The following CMSS1 variants were observed in gnomAD, a reference collection of about 807,000 sequenced individuals.
The protein encoded by CMSS1 is cms1 ribosomal small subunit homolog.
In CMSS1, 33 loss-of-function variants were observed where a neutral mutation model predicts 43.5. The ratio of observed to expected loss-of-function variants is 0.76; its 90% CI spans 0.57 to 1.01. CMSS1 has a LOEUF of 1.01. CMSS1 is among the 50% of genes least tolerant of loss of function. The probability of loss-of-function intolerance (pLI) is 0.00; values close to 1 mark genes in which losing one functional copy is unlikely to be tolerated. For missense variants in CMSS1, 313 were observed against 326.4 expected (o/e 0.96, Z 0.32); for synonymous variants, 115 against 117.2 (o/e 0.98, Z 0.12).
At chr3:100,151,151 T>C (rs2066904524) in intron 2 of CMSS1, among the ~76,000 whole-genome samples, 1 of 152,214 alleles carries the variant, frequency 6.6e-6, no homozygotes, top group South Asian at 2.1e-4. Context: ...ATTATGCTTA[T>C]CTATTGTTGA....
intron 1 of CMSS1, among the ~76,000 whole-genome samples, chr3:100,028,757 C>T (rs2064971405): frequency 6.6e-6 from 1 of 152,016 alleles, no homozygotes; most frequent in African/African-American, 2.4e-5. Flanking sequence ...AGCACATTTC[C>T]AAGAGTCAGT....
intron 1 of CMSS1, among the ~76,000 whole-genome samples, chr3:99,887,709 C>A (rs1705953168): frequency 6.6e-6 from 1 of 152,040 alleles, no homozygotes. Flanking sequence ...ACTGGGAATA[C>A]CCAGATATAC....
At chr3:99,951,371 C>G (rs1036540130) in intron 1 of CMSS1, among the ~76,000 whole-genome samples, 2 of 152,074 alleles carry the variant, frequency 1.3e-5, no homozygotes, top group African/African-American at 4.8e-5. Flanking sequence ...CCTGTGGGTA[C>G]AGGACGTGGT....
intron 1 of CMSS1, among the ~76,000 whole-genome samples, chr3:99,932,870 A>G (rs1707530798): frequency 6.6e-6 from 1 of 152,144 alleles, no homozygotes; most frequent in African/African-American, 2.4e-5. Context: ...AGCCTGGGTG[A>G]CAGAGTAAGA....
chr3:99,999,603 T>C lies in CMSS1; in HGVS notation c.65-147370T>C, dbSNP rs527767898. 7.2e-5 allele frequency among the ~76,000 whole-genome samples: 11 copies of C among 152,348 alleles called. No individual in the cohort carries two copies. The South Asian group carries it at 2.3e-3, about 32-fold the overall frequency. On this transcript the variant is annotated intron_variant, in intron 1 of 9. Transcript: ENST00000421999. The stretch of plus-strand genomic sequence containing the variant: ...TGTGGTTCAGTGAGTCTTGAATCTG[T>C]TAGAGAGGATCTCGGGATATAGGCT...
chr3:99,941,263 G>T (rs917241824), intron 1 of CMSS1, among the ~76,000 whole-genome samples: 3 of 151,884 alleles, frequency 2.0e-5, no homozygotes, highest in Non-Finnish European at 4.4e-5. Context: ...GTGTTATAAA[G>T]CTCACAGCTT....
At chr3:100,120,538 C>T (rs1446418632) in intron 1 of CMSS1, among the ~76,000 whole-genome samples, 1 of 152,176 alleles carries the variant, frequency 6.6e-6, no homozygotes, top group East Asian at 1.9e-4. Context: ...ATTAATTGCA[C>T]ATCTTATAAA....
chr3:99,857,611 T>C (rs1277964494), intron 1 of CMSS1, among the ~76,000 whole-genome samples: 1 of 152,254 alleles, frequency 6.6e-6, no homozygotes, highest in Admixed American at 6.5e-5. Context: ...ACATCAATTA[T>C]GTTTCTGTTT....
rs558810088 is a variant in CMSS1 at position 99,920,368 on chromosome 3, T to G, written c.64+102325T>G. On this transcript the variant is annotated intron_variant, in intron 1 of 9. Transcript: ENST00000421999. ...ATTGGCATTTCACTTATGGGAAAAT[T>G]TTGCAAAATTACATTGACTAAAAGT... Among the ~76,000 whole-genome samples, 318 of 152,236 alleles carry G rather than the reference T, an allele frequency of 2.1e-3. 1 individual carries two copies. Among genetic ancestry groups the G allele is most frequent in the Non-Finnish European group, 3.9e-3 (266 of 68,006 alleles).
chr3:100,135,437 CATGTGTGTGTGTGTGTGTGTGT>C (rs1234379869), intron 1 of CMSS1, among the ~76,000 whole-genome samples: 2 of 60,136 alleles, frequency 3.3e-5, no homozygotes, highest in African/African-American at 1.3e-4. Context: ...TGTGTGTGTG[CATGTGTGTGTGTGTGTGTGTGT>C]GTGTGTGTGT....
At chr3:99,935,791 TA>T (rs1707646251) in intron 1 of CMSS1, among the ~76,000 whole-genome samples, 1 of 152,200 alleles carries the variant, frequency 6.6e-6, no homozygotes, top group Non-Finnish European at 1.5e-5. Flanking sequence ...TTTTCCTATG[TA>T]GTTCCTTTAG....
chr3:100,164,211 T>C (rs922750377), intron 4 of CMSS1, among the ~76,000 whole-genome samples: 4 of 152,218 alleles, frequency 2.6e-5, no homozygotes, highest in African/African-American at 9.6e-5. Flanking sequence ...TCACAGGAAC[T>C]ATTCTAACAA....
intron 1 of CMSS1, among the ~76,000 whole-genome samples, chr3:99,922,084 T>G (rs1010056689): frequency 2.0e-5 from 3 of 152,202 alleles, no homozygotes; most frequent in Admixed American, 2.0e-4. Flanking sequence ...TCTTGCCTTT[T>G]CATTAATGTG....
Position 100,099,511 on chromosome 3 carries a change from A to G in CMSS1, c.65-47462A>G, listed in dbSNP as rs570677024. Among the ~76,000 whole-genome samples the G allele has an allele frequency of 8.5e-5, 13 of 152,268 alleles. No individual in the cohort carries two copies. In the East Asian group the frequency reaches 2.5e-3, roughly 29 times the overall value. ...GCCCCTGCCAGCCTCTAGGTGATAT[A>G]AAAGTATTTGTATCGGTCTAATTAT... On this transcript the variant is annotated intron_variant, in intron 1 of 9. Transcript: ENST00000421999.
At position 100,012,608 on chromosome 3, in the gene CMSS1, G is replaced by A. The variant is rs140080930; in HGVS notation, c.65-134365G>A. On this transcript the variant is annotated intron_variant, in intron 1 of 9. Transcript: ENST00000421999. ...CAGGAGGATTTCAGATTCCCCCACC[G>A]TGGGCCTAATTATTTCATAGACTCA... Among the ~76,000 whole-genome samples, 658 of 152,168 alleles carry A rather than the reference G, an allele frequency of 4.3e-3. 3 individuals carry two copies. The highest frequency in any genetic ancestry group is 7.8e-3 in the Non-Finnish European group (529 of 68,004).
At chr3:100,139,324 TA>T (rs1316882120) in intron 1 of CMSS1, among the ~76,000 whole-genome samples, 2 of 151,062 alleles carry the variant, frequency 1.3e-5, no homozygotes, top group Non-Finnish European at 3.0e-5. Context: ...TAAAACAAAA[TA>T]AAATGAAAAG....
chr3:99,944,337 AC>A (rs1214425076), intron 1 of CMSS1, among the ~76,000 whole-genome samples: 1 of 152,206 alleles, frequency 6.6e-6, no homozygotes, highest in Non-Finnish European at 1.5e-5. Context: ...ACATGAAATG[AC>A]TTCTTGGTCC....
chr3:100,019,908 G>T (rs547256731), intron 1 of CMSS1, among the ~76,000 whole-genome samples: 57 of 152,188 alleles, frequency 3.7e-4, no homozygotes, highest in East Asian at 3.9e-4. Flanking sequence ...TCACTTAAAG[G>T]AAGTGGCTAG....
intron 1 of CMSS1, among the ~76,000 whole-genome samples, chr3:100,107,276 CT>C (rs1284396843): frequency 6.6e-6 from 1 of 152,086 alleles, no homozygotes; most frequent in Admixed American, 6.6e-5. Context: ...GCTGAAAAAA[CT>C]AGGTTATTTA....
Sources: gnomAD v4.1 joint callset for allele counts (sites outside exome capture counted in the v4.1 genomes callset) on GRCh38, gnomAD v4.1.1 for gene constraint, MANE v1.5 for transcripts, NCBI Gene and HGNC (gene_info 2026-07-23, HGNC 2026-07-21) for gene names.